Variants in SH3PXD2B observed in about 807,000 individuals in gnomAD.
SH3PXD2B encodes SH3 and PX domains 2B.
Under a neutral mutation model 73.1 loss-of-function variants are expected in SH3PXD2B, and 37 were observed. The observed-to-expected ratio is 0.51, with a 90% CI of 0.39 to 0.67. The LOEUF is 0.67. Ranked by LOEUF, SH3PXD2B falls within the 30% of genes least tolerant of loss-of-function variation. The pLI is 0.00. For synonymous variants in SH3PXD2B, 457 were observed against 480.5 expected (o/e 0.95, Z 0.64); for missense variants, 1,053 against 1,197.8 (o/e 0.88, Z 1.78).
rs530292651 is a variant in SH3PXD2B, at chr5:172,334,391, C to G, written c.*3978G>C. ...GAGGGCGCCCTGCACCCTCAGGCCT[C>G]GATGCATGCTGCTCTACCTCTCATC... On this transcript the variant is annotated 3_prime_UTR_variant, in exon 13 of 13. Coordinates refer to ENST00000311601, the MANE Select transcript of SH3PXD2B (RefSeq NM_001017995.3). The G allele has an allele frequency of 1.0e-6, 1 of 990,670 alleles. No homozygotes were observed. The highest frequency in any genetic ancestry group is 6.1e-5 in the Admixed American group (1 of 16,522). 61.4% of individuals were successfully genotyped at this position (990,670 alleles called of 1,614,324 possible). A position where few individuals can be genotyped will look rare whatever the true frequency, so the allele number is the denominator to read the frequency against.
chr5:172,431,522 G>GT (rs1759239928), intron 1 of SH3PXD2B, among the ~76,000 whole-genome samples: 1 of 152,260 alleles, frequency 6.6e-6, no homozygotes, highest in African/African-American at 2.4e-5. Flanking sequence ...CATGATGAGG[G>GT]TTTTTGTGCA....
In SH3PXD2B at chr5:172,338,830, G is replaced by C; in HGVS notation, c.2275C>G (p.Pro759Ala). ...TTCTTTGGGGGAGGTGGTCTGCGGGGTGGGACCACAGGTCTCTGCTGGGGA... is the reference window on the plus strand; with the variant it reads ...TTCTTTGGGGGAGGTGGTCTGCGGGCTGGGACCACAGGTCTCTGCTGGGGA... ...EAPQQRPVVP[P>A]RRPPPPKKTS... The change falls in exon 13 of 13, where the codon CCC (proline) becomes GCC (alanine). Residue 759 changes from proline (P) to alanine (A), a missense_variant. Around this residue, in one of 2 missense-constraint regions of SH3PXD2B, gnomAD observed 587 missense variants for 590.7 expected, o/e 0.99. Coordinates refer to ENST00000311601, the MANE Select transcript of SH3PXD2B (RefSeq NM_001017995.3). This position sits in a 1 kb window ranked among gnomAD's most constrained non-coding sequence, Gnocchi z 5.1. The C allele has an allele frequency of 6.2e-7, 1 of 1,614,112 alleles. No homozygotes were observed. The highest frequency in any genetic ancestry group is 8.5e-7 in the Non-Finnish European group (1 of 1,179,952).
chr5:172,352,918 A>C (rs1232173494), intron 9 of SH3PXD2B, among the ~76,000 whole-genome samples: 2 of 152,046 alleles, frequency 1.3e-5, no homozygotes, highest in African/African-American at 4.8e-5. Flanking sequence ...TCCGTTTTCA[A>C]ATTTAGGTTC....
At chr5:172,381,506 G>C (rs1166026895) in intron 5 of SH3PXD2B, among the ~76,000 whole-genome samples, 1 of 152,198 alleles carries the variant, frequency 6.6e-6, no homozygotes, top group Admixed American at 6.5e-5. Context: ...TGTAGCGACA[G>C]GCGTCTGGGC....
intron 1 of SH3PXD2B, among the ~76,000 whole-genome samples, chr5:172,452,098 C>A (rs1251707101): frequency 2.0e-5 from 3 of 152,166 alleles, no homozygotes; most frequent in African/African-American, 7.2e-5. Flanking sequence ...GCCTTTAGGG[C>A]ATTTAGGAAT....
At position 172,396,776 on chromosome 5, in the gene SH3PXD2B, G is replaced by A. The variant is rs551711373; in HGVS notation, c.233-2137C>T. Among the ~76,000 whole-genome samples the A allele has an allele frequency of 1.2e-4, 19 of 152,044 alleles. No homozygotes were observed. In the South Asian group the frequency reaches 1.5e-3, roughly 12 times the overall value. ...AGCCTGGCCAACGTGGTAAAACCCC[G>A]TCTCTACTAAAAATACAAAAATTAG... On this transcript the variant is annotated intron_variant, in intron 3 of 12. Coordinates refer to ENST00000311601, the MANE Select transcript of SH3PXD2B (RefSeq NM_001017995.3).
At chr5:172,329,443 T>C (rs1268884214), downstream of SH3PXD2B, among the ~76,000 whole-genome samples, 2 of 151,854 alleles carry the variant, frequency 1.3e-5, no homozygotes, top group Admixed American at 1.3e-4. Flanking sequence ...TATTCTGTAC[T>C]ATACTGTAGA....
intron 1 of SH3PXD2B, among the ~76,000 whole-genome samples, chr5:172,448,203 G>A (rs1397028665): frequency 6.6e-6 from 1 of 152,228 alleles, no homozygotes; most frequent in African/African-American, 2.4e-5. Flanking sequence ...GCCTGGGGCA[G>A]GTATCCCCCA....
At position 172,366,112 on chromosome 5, in the gene SH3PXD2B, C is replaced by G. The variant is rs148560338; in HGVS notation, c.428-3243G>C. On this transcript the variant is annotated intron_variant, in intron 6 of 12. Transcript: ENST00000311601. Reference sequence around the variant, plus strand: ...CTCAAAGAGACATGCCCACGTCTTCCAGGCAGGCAGTCGTTGGCTGGTGTG... The same window carrying G: ...CTCAAAGAGACATGCCCACGTCTTCGAGGCAGGCAGTCGTTGGCTGGTGTG... Among the ~76,000 whole-genome samples, 199 of 152,306 alleles carry G rather than the reference C, an allele frequency of 1.3e-3. 1 individual carries two copies. Among genetic ancestry groups the G allele is most frequent in the African/African-American group, 4.7e-3 (196 of 41,572 alleles).
intron 12 of SH3PXD2B, among the ~76,000 whole-genome samples, chr5:172,344,445 G>A (rs1020254263): frequency 9.2e-5 from 14 of 151,920 alleles, no homozygotes; most frequent in Middle Eastern, 3.4e-3. Flanking sequence ...AAAATCAGCC[G>A]GGCGTCATGT....
intron 4 of SH3PXD2B, among the ~76,000 whole-genome samples, chr5:172,386,772 C>T (rs1158798197): frequency 6.6e-6 from 1 of 152,074 alleles, no homozygotes; most frequent in Non-Finnish European, 1.5e-5. Context: ...GGGTTACAGG[C>T]GTGCACCACC....
chr5:172,412,920 G>T (rs563984557), intron 2 of SH3PXD2B, among the ~76,000 whole-genome samples: 1 of 152,216 alleles, frequency 6.6e-6, no homozygotes, highest in Non-Finnish European at 1.5e-5. Flanking sequence ...GTCACATCAA[G>T]TTGCCACATC....
At chr5:172,340,664 A>G (rs10058806) in intron 12 of SH3PXD2B, among the ~76,000 whole-genome samples, 9,205 of 152,122 alleles carry the variant, frequency 0.061, 849 homozygotes, top group African/African-American at 0.2. Flanking sequence ...GCATGATCTC[A>G]GCTCACTGCA....
At chr5:172,352,382 G>A (rs1015570054) in intron 9 of SH3PXD2B, among the ~76,000 whole-genome samples, 3 of 151,896 alleles carry the variant, frequency 2.0e-5, no homozygotes, top group Admixed American at 1.3e-4. Flanking sequence ...GCATCACCAT[G>A]CCTGGCTAAT....
At position 172,397,223 on chromosome 5, in the gene SH3PXD2B, G is replaced by A. The variant is rs576629204; in HGVS notation, c.233-2584C>T. On this transcript the variant is annotated intron_variant, in intron 3 of 12. Coordinates refer to ENST00000311601, the MANE Select transcript of SH3PXD2B (RefSeq NM_001017995.3). The stretch of plus-strand genomic sequence containing the variant: ...GAAATAAGCTCCGGTCTCCTGTAGC[G>A]CTCCCAGTCCTATTAGGATGAGGAA... Among the ~76,000 whole-genome samples, 266 of 152,222 alleles carry A rather than the reference G, an allele frequency of 1.7e-3. 1 individual carries two copies. Among genetic ancestry groups the A allele is most frequent in the African/African-American group, 5.9e-3 (247 of 41,526 alleles).
intron 10 of SH3PXD2B, among the ~76,000 whole-genome samples, chr5:172,349,240 C>T (rs1464286679): frequency 6.6e-6 from 1 of 152,200 alleles, no homozygotes; most frequent in Non-Finnish European, 1.5e-5. Context: ...AGTTCACTGC[C>T]ACTTAAAAAC....
rs186220514 is a variant in SH3PXD2B at position 172,372,265 on chromosome 5, A to C, written c.427+1525T>G. On this transcript the variant is annotated intron_variant, in intron 6 of 12. Coordinates refer to ENST00000311601, the MANE Select transcript of SH3PXD2B (RefSeq NM_001017995.3). ...GGTCCTTCATGAATGGTTCAGCTCC[A>C]TCCCTTTGGTGCTGTCTCGAGATGG... is the stretch of plus-strand genomic sequence containing the variant. Among the ~76,000 whole-genome samples the C allele has an allele frequency of 2.2e-4, 34 of 152,254 alleles. No individual in the cohort carries two copies. The East Asian group carries it at 6.6e-3, about 29-fold the overall frequency.
intron 1 of SH3PXD2B, among the ~76,000 whole-genome samples, chr5:172,437,708 T>G (rs1044601286): frequency 6.6e-6 from 1 of 152,254 alleles, no homozygotes; most frequent in Non-Finnish European, 1.5e-5. Context: ...AAGTGAATGC[T>G]TGGATTAGGG....
At position 172,417,467 on chromosome 5, in the gene SH3PXD2B, T is replaced by A. The variant is rs1758852004; in HGVS notation, c.156+4949A>T. 2.0e-5 allele frequency among the ~76,000 whole-genome samples: 3 copies of A among 152,332 alleles called. No homozygotes were observed. In the South Asian group the frequency reaches 6.2e-4, roughly 32 times the overall value. On this transcript the variant is annotated intron_variant, in intron 2 of 12. Coordinates refer to ENST00000311601, the MANE Select transcript of SH3PXD2B (RefSeq NM_001017995.3). ...TAGATCCAGCCACACCTGAAGCCAA[T>A]TTCCTTAGACTTCTCAGTTACACTC... is the stretch of plus-strand genomic sequence containing the variant.
Sources: gnomAD v4.1 joint callset for allele counts (sites outside exome capture counted in the v4.1 genomes callset) on GRCh38, gnomAD v4.1.1 for gene constraint, gnomAD v4.1.1 regional missense constraint, Gnocchi (gnomAD v3.1) non-coding constraint, MANE v1.5 for transcripts, NCBI Gene and HGNC (gene_info 2026-07-23, HGNC 2026-07-21) for gene names.